Variants in SLC24A2 observed in about 807,000 individuals in gnomAD.
SLC24A2 encodes sodium/potassium/calcium exchanger 2.
In SLC24A2, 36 loss-of-function variants were observed where a neutral mutation model predicts 62.0. That is an observed-to-expected ratio of 0.58 (90% confidence interval 0.44 to 0.77). The LOEUF (loss-of-function observed/expected upper bound fraction) is 0.77. Ranked by LOEUF, SLC24A2 falls within the 30% of genes least tolerant of loss-of-function variation. The pLI is 0.00. For missense variants in SLC24A2, 846 were observed against 817.9 expected (o/e 1.03, Z -0.42); for synonymous variants, 358 against 294.0 (o/e 1.22, Z -2.23).
the SLC24A2 span, among the ~76,000 whole-genome samples, chr9:20,252,640 T>C: frequency 5.3e-5 from 8 of 152,148 alleles, no homozygotes; most frequent in African/African-American, 1.9e-4. Flanking sequence ...GATATTGAGG[T>C]TCAAGCAGGC....
chr9:20,225,205 T>C, the SLC24A2 span, among the ~76,000 whole-genome samples: 2 of 152,046 alleles, frequency 1.3e-5, no homozygotes, highest in Non-Finnish European at 2.9e-5. Context: ...TGAGTTATAA[T>C]GTAAAATGTA....
chr9:19,954,992 G>GT, the SLC24A2 span, among the ~76,000 whole-genome samples: 1 of 150,454 alleles, frequency 6.6e-6, no homozygotes, highest in Non-Finnish European at 1.5e-5. Context: ...TTTTTTTTTA[G>GT]TTTTTTAACT....
intron 2 of SLC24A2, among the ~76,000 whole-genome samples, chr9:19,703,516 G>C (rs1820418178): frequency 6.6e-6 from 1 of 152,188 alleles, no homozygotes; most frequent in African/African-American, 2.4e-5. Context: ...AAGTAGGAAA[G>C]TATGTTTTGA....
At chr9:20,001,504 G>A in the SLC24A2 span, among the ~76,000 whole-genome samples, 2 of 152,156 alleles carry the variant, frequency 1.3e-5, no homozygotes, top group African/African-American at 4.8e-5. Context: ...CTGTCCCCAA[G>A]GTGTCAAGGC....
the SLC24A2 span, among the ~76,000 whole-genome samples, chr9:20,203,710 AAAG>A: frequency 2.0e-5 from 3 of 152,084 alleles, no homozygotes; most frequent in East Asian, 1.9e-4. Flanking sequence ...AAGAAAGAAG[AAAG>A]AAGAAGCAGC....
At chr9:19,659,467 A>AT (rs1262813552) in intron 2 of SLC24A2, among the ~76,000 whole-genome samples, 1 of 152,006 alleles carries the variant, frequency 6.6e-6, no homozygotes. Context: ...CTCTTCAATT[A>AT]TTTTTTTGAG....
At chr9:19,848,753 T>C in the SLC24A2 span, among the ~76,000 whole-genome samples, 1 of 152,182 alleles carries the variant, frequency 6.6e-6, no homozygotes. Context: ...CCACAAAAGA[T>C]TGTTCTTCAT....
At chr9:19,687,822 C>T (rs1429779210) in intron 2 of SLC24A2, among the ~76,000 whole-genome samples, 2 of 152,044 alleles carry the variant, frequency 1.3e-5, no homozygotes, top group African/African-American at 4.8e-5. Flanking sequence ...ACAAATGCTC[C>T]AGTCAGGTGC....
At chr9:19,893,265 CT>C in the SLC24A2 span, among the ~76,000 whole-genome samples, 2 of 152,184 alleles carry the variant, frequency 1.3e-5, no homozygotes, top group Admixed American at 1.3e-4. Flanking sequence ...GTCAATTCTG[CT>C]AGCCTTGCTC....
chr9:19,994,684 C>T, the SLC24A2 span, among the ~76,000 whole-genome samples: 7 of 152,170 alleles, frequency 4.6e-5, no homozygotes, highest in African/African-American at 1.7e-4. Context: ...CTGAGGGCCT[C>T]TGCATATGTG....
chr9:19,917,951 G>C, the SLC24A2 span, among the ~76,000 whole-genome samples: 1 of 152,064 alleles, frequency 6.6e-6, no homozygotes, highest in Non-Finnish European at 1.5e-5. Flanking sequence ...TGTAGTGCTT[G>C]TTTTGCTATT....
intron 2 of SLC24A2, among the ~76,000 whole-genome samples, chr9:19,723,132 C>T (rs1821076938): frequency 6.6e-6 from 1 of 152,076 alleles, no homozygotes; most frequent in Non-Finnish European, 1.5e-5. Flanking sequence ...CACATGGATC[C>T]ATTTTAAAAT....
the SLC24A2 span, among the ~76,000 whole-genome samples, chr9:20,045,666 C>T: frequency 6.6e-6 from 1 of 151,986 alleles, no homozygotes; most frequent in Non-Finnish European, 1.5e-5. Flanking sequence ...TTCCTGACCT[C>T]GTGATCTGCC....
the SLC24A2 span, among the ~76,000 whole-genome samples, chr9:20,265,393 T>C: frequency 6.6e-6 from 1 of 152,296 alleles, no homozygotes; most frequent in African/African-American, 2.4e-5. Flanking sequence ...ATTGTGAAGA[T>C]TTCATGGACA....
At chr9:20,243,549 T>A in the SLC24A2 span, among the ~76,000 whole-genome samples, 1 of 152,188 alleles carries the variant, frequency 6.6e-6, no homozygotes, top group African/African-American at 2.4e-5. Context: ...TCTGAGATCA[T>A]TTTACTAGCC....
chr9:20,267,523 AG>A, the SLC24A2 span, among the ~76,000 whole-genome samples: 3 of 152,150 alleles, frequency 2.0e-5, no homozygotes, highest in Non-Finnish European at 2.9e-5. Flanking sequence ...ACTCTGAAAA[AG>A]GGGTTCCAGC....
At chr9:20,224,520 G>A in the SLC24A2 span, among the ~76,000 whole-genome samples, 1 of 152,078 alleles carries the variant, frequency 6.6e-6, no homozygotes, top group African/African-American at 2.4e-5. Context: ...TGATTAAACT[G>A]CTTTAGGAGC....
At chr9:20,243,600 A>C in the SLC24A2 span, among the ~76,000 whole-genome samples, 1 of 152,186 alleles carries the variant, frequency 6.6e-6, no homozygotes, top group African/African-American at 2.4e-5. Flanking sequence ...ACACACTTAC[A>C]TGTACACACA....
At chr9:19,652,622 A>T (rs896931537) in intron 2 of SLC24A2, among the ~76,000 whole-genome samples, 2 of 152,176 alleles carry the variant, frequency 1.3e-5, no homozygotes, top group Non-Finnish European at 2.9e-5. Flanking sequence ...AACACACCCC[A>T]ACCAACATCT....
Sources: allele counts gnomAD v4.1 joint callset (sites outside exome capture counted in the v4.1 genomes callset), GRCh38; gene constraint gnomAD v4.1.1; transcripts MANE v1.5; gene names NCBI Gene and HGNC (gene_info 2026-07-23, HGNC 2026-07-21).